KCNH7: variants seen among roughly 807,000 people sequenced by gnomAD.
KCNH7 encodes potassium voltage-gated channel subfamily H member 7, also known as voltage-gated inwardly rectifying potassium channel KCNH7.
In KCNH7, 49 loss-of-function variants were observed where a neutral mutation model predicts 120.8. The ratio of observed to expected loss-of-function variants is 0.41; its 90% CI spans 0.32 to 0.51. KCNH7 has a LOEUF of 0.51. Ranked by LOEUF, KCNH7 falls within the 20% of genes least tolerant of loss-of-function variation. The pLI, the probability that KCNH7 is intolerant of heterozygous loss-of-function variation, is 0.38. For synonymous variants in KCNH7, 547 were observed against 516.1 expected (o/e 1.06, Z -0.81); for missense variants, 1,097 against 1,446.6 (o/e 0.76, Z 3.92).
At chr2:162,391,555 C>T (rs1188354252) in intron 12 of KCNH7, among the ~76,000 whole-genome samples, 3 of 151,770 alleles carry the variant, frequency 2.0e-5, no homozygotes, top group African/African-American at 7.3e-5. Context: ...CAGAAAATCC[C>T]TTAGCATCTA....
chr2:162,555,418 T>A (rs1042436064), intron 2 of KCNH7, among the ~76,000 whole-genome samples: 1 of 152,342 alleles, frequency 6.6e-6, no homozygotes, highest in South Asian at 2.1e-4. Context: ...TTTGACATTT[T>A]ATTTCATCCT....
intron 6 of KCNH7, among the ~76,000 whole-genome samples, chr2:162,488,086 C>T (rs1162988954): frequency 6.6e-6 from 1 of 152,170 alleles, no homozygotes; most frequent in African/African-American, 2.4e-5. Flanking sequence ...CTTTTCTGTT[C>T]CTGGGTCTGA....
chr2:162,643,834 AAAG>A (rs1254807305), intron 2 of KCNH7, among the ~76,000 whole-genome samples: 1 of 151,436 alleles, frequency 6.6e-6, no homozygotes. Context: ...AAAAAGAAGA[AAAG>A]AAAAAAGAAA....
intron 2 of KCNH7, among the ~76,000 whole-genome samples, chr2:162,696,843 C>T (rs1032658280): frequency 1.1e-4 from 17 of 152,094 alleles, no homozygotes; most frequent in African/African-American, 4.1e-4. Flanking sequence ...AATAATTGCA[C>T]TGATTGAAAC....
At chr2:162,461,762 T>A (rs1241308974) in intron 6 of KCNH7, among the ~76,000 whole-genome samples, 1 of 152,158 alleles carries the variant, frequency 6.6e-6, no homozygotes, top group African/African-American at 2.4e-5. Context: ...TCAAACACTT[T>A]GAAAGGACCC....
chr2:162,680,150 A>G (rs1685664120), intron 2 of KCNH7, among the ~76,000 whole-genome samples: 1 of 151,736 alleles, frequency 6.6e-6, no homozygotes, highest in Admixed American at 6.6e-5. Flanking sequence ...TTTTTACTAG[A>G]ACAGTACCAT....
chr2:162,452,294 A>G (rs1421790147), intron 6 of KCNH7, among the ~76,000 whole-genome samples: 2 of 152,076 alleles, frequency 1.3e-5, no homozygotes. Context: ...AGAATTCTAG[A>G]ATCTTATTCA....
At chr2:162,802,539 T>C (rs1005130568) in intron 2 of KCNH7, among the ~76,000 whole-genome samples, 2 of 151,694 alleles carry the variant, frequency 1.3e-5, no homozygotes, top group African/African-American at 4.8e-5. Context: ...TCCAGCAATA[T>C]CTCTATACCA....
chr2:162,690,836 C>T (rs1171656445), intron 2 of KCNH7, among the ~76,000 whole-genome samples: 1 of 152,136 alleles, frequency 6.6e-6, no homozygotes, highest in Non-Finnish European at 1.5e-5. Flanking sequence ...CTTTTTATTT[C>T]TACAGGGGAA....
At chr2:162,559,671 T>C (rs904506955) in intron 2 of KCNH7, among the ~76,000 whole-genome samples, 2 of 152,170 alleles carry the variant, frequency 1.3e-5, no homozygotes, top group Admixed American at 1.3e-4. Context: ...AAGCTGAAGA[T>C]GTGAATATAG....
At chr2:162,752,837 GT>G (rs1261262066) in intron 2 of KCNH7, among the ~76,000 whole-genome samples, 1 of 148,688 alleles carries the variant, frequency 6.7e-6, no homozygotes, top group Non-Finnish European at 1.5e-5. Flanking sequence ...GGAGGCAGAG[GT>G]TGCAGTGAGC....
intron 2 of KCNH7, among the ~76,000 whole-genome samples, chr2:162,671,996 G>A (rs997715473): frequency 2.6e-5 from 4 of 151,810 alleles, no homozygotes; most frequent in Non-Finnish European, 4.4e-5. Flanking sequence ...GAAGTATAAC[G>A]AAAAAATTAC....
At chr2:162,437,304 C>T (rs1402315776) in intron 7 of KCNH7, among the ~76,000 whole-genome samples, 1 of 152,216 alleles carries the variant, frequency 6.6e-6, no homozygotes, top group East Asian at 1.9e-4. Flanking sequence ...CTGGTCTCTG[C>T]TCATTTGGGG....
intron 2 of KCNH7, among the ~76,000 whole-genome samples, chr2:162,724,564 TG>T (rs1172584502): frequency 6.7e-6 from 1 of 148,906 alleles, no homozygotes; most frequent in Non-Finnish European, 1.5e-5. Context: ...CCCAGCTACT[TG>T]GGAGGCTGAG....
At chr2:162,775,087 G>A (rs1012161996) in intron 2 of KCNH7, among the ~76,000 whole-genome samples, 9 of 151,890 alleles carry the variant, frequency 5.9e-5, no homozygotes, top group East Asian at 3.9e-4. Flanking sequence ...ATGAACATTC[G>A]AAAGCTCTTA....
At chr2:162,688,528 C>G (rs1354826543) in intron 2 of KCNH7, among the ~76,000 whole-genome samples, 1 of 152,070 alleles carries the variant, frequency 6.6e-6, no homozygotes, top group African/African-American at 2.4e-5. Flanking sequence ...ACACAGTAGT[C>G]TCTTTTAGTT....
intron 8 of KCNH7, among the ~76,000 whole-genome samples, chr2:162,431,190 T>C (rs1688053482): frequency 6.6e-6 from 1 of 152,062 alleles, no homozygotes; most frequent in African/African-American, 2.4e-5. Context: ...GAAGGCTGAT[T>C]GCCTTGTTTT....
chr2:162,574,603 A>G (rs970908301), intron 2 of KCNH7, among the ~76,000 whole-genome samples: 5 of 152,120 alleles, frequency 3.3e-5, no homozygotes, highest in Non-Finnish European at 7.4e-5. Flanking sequence ...ATTCAATGTT[A>G]TGAATGCCAC....
chr2:162,676,980 T>A (rs901723738), intron 2 of KCNH7, among the ~76,000 whole-genome samples: 54 of 151,652 alleles, frequency 3.6e-4, no homozygotes, highest in African/African-American at 1.2e-3. Flanking sequence ...TTAGTTTAAA[T>A]TAGTTAAAAT....
Sources: allele counts gnomAD v4.1 joint callset (sites outside exome capture counted in the v4.1 genomes callset), GRCh38; gene constraint gnomAD v4.1.1; transcripts MANE v1.5; gene names NCBI Gene and HGNC (gene_info 2026-07-23, HGNC 2026-07-21).